Variants in DOP1A observed in about 807,000 individuals in gnomAD.
DOP1A encodes the protein protein DOP1A.
A neutral mutation model predicts 267.6 loss-of-function variants in DOP1A; 90 were observed. The ratio of observed to expected loss-of-function variants is 0.34; its 90% CI spans 0.28 to 0.40. The LOEUF is 0.40. DOP1A is among the 10% of genes least tolerant of loss of function. The pLI is 1.00. For synonymous variants in DOP1A, 932 were observed against 999.1 expected, an observed-to-expected ratio of 0.93 and a Z score of 1.27; for missense variants, 2,437 against 2,900.4, an observed-to-expected ratio of 0.84 and a Z score of 3.67.
At position 83,138,617 on chromosome 6, in the gene DOP1A, G is replaced by A. The variant is rs762054104; in HGVS notation, c.4575G>A (p.Gln1525=). 5 of 1,613,858 alleles carry A rather than the reference G, an allele frequency of 3.1e-6. No individual in the cohort carries two copies. The Admixed American group carries it at 8.3e-5, about 27-fold the overall frequency. ...ISDMLSKCKV[Q]KVILHCLLSS... is the part of the protein sequence containing the mutation. ...ATATGTTATCTAAGTGCAAAGTTCA[G>A]AAAGTGATTCTTCATTGTTTGCTGT... The change falls in exon 21 of 39, where the codon CAG becomes CAA. Residue 1525 remains glutamine (Q), a synonymous_variant. Transcript: ENST00000349129.
chr6:83,115,740 G>C (rs938778136), intron 7 of DOP1A, among the ~76,000 whole-genome samples: 5 of 151,952 alleles, frequency 3.3e-5, no homozygotes, highest in African/African-American at 4.8e-5. Context: ...AAGAAAAAGA[G>C]AATACAATAC....
chr6:83,068,259 A>G (rs1312081142), intron 1 of DOP1A, among the ~76,000 whole-genome samples: 1 of 152,184 alleles, frequency 6.6e-6, no homozygotes, highest in Admixed American at 6.5e-5. Flanking sequence ...GCGATGGTTC[A>G]TGTTCTCCGT....
chr6:83,070,680 C>T lies in DOP1A; in HGVS notation c.-147+2901C>T, dbSNP rs1296773203. Among the ~76,000 whole-genome samples the T allele has an allele frequency of 2.0e-5, 3 of 151,832 alleles. No individual in the cohort carries two copies. The East Asian group carries it at 5.8e-4, about 29-fold the overall frequency. On this transcript the variant is annotated intron_variant, in intron 1 of 38. Coordinates refer to ENST00000349129, the MANE Select transcript of DOP1A (RefSeq NM_015018.4). ...CACCCTGTGAACCTTTTTTTGATTA[C>T]CTCATTTTGAATTAATTTCCTCCTC...
chr6:83,152,220 A>G, intron 29 of DOP1A, 68 bp from the exon 30 acceptor site: 1 of 858,538 alleles, frequency 1.2e-6, no homozygotes. Flanking sequence ...ATACACACAC[A>G]CACACACACA....
intron 1 of DOP1A, among the ~76,000 whole-genome samples, chr6:83,074,317 A>T (rs928950015): frequency 8.5e-5 from 13 of 152,202 alleles, no homozygotes; most frequent in African/African-American, 2.9e-4. Flanking sequence ...ATTGTTATTT[A>T]TTATGAGATG....
At position 83,153,584 on chromosome 6, in the gene DOP1A, T is replaced by C. The variant is rs781648852; in HGVS notation, c.6203T>C (p.Ile2068Thr). The C allele has an allele frequency of 1.4e-5, 22 of 1,609,610 alleles. No homozygotes were observed. The highest frequency in any genetic ancestry group is 1.8e-5 in the Non-Finnish European group (21 of 1,178,116). Residue 2068 changes from isoleucine (I) to threonine (T), a missense_variant, in exon 31 of 39, where the codon ATT (isoleucine) becomes ACT (threonine). Transcript: ENST00000349129. ...CGGGTTATTCCTTTACTTGTAAATA[T>C]TATGCATTATGTTGTGCCCTACCTC... is the stretch of plus-strand genomic sequence containing the variant. ...KERVIPLLVN[I>T]MHYVVPYLRN... is the part of the protein sequence containing the mutation.
chr6:83,109,010 A>G lies in DOP1A; in HGVS notation c.421A>G (p.Lys141Glu), dbSNP rs1774116606. Residue 141 changes from lysine (K) to glutamate (E), a missense_variant, in exon 5 of 39, where the codon AAA becomes GAA. Coordinates refer to ENST00000349129, the MANE Select transcript of DOP1A (RefSeq NM_015018.4). The part of the protein sequence containing the change: ...IYYLPLGKTL[K>E]PGLQGLLTGI... ...TTATCTGCCTTTGGGTAAAACACTGAAACCTGGTCTACAGGGATTGCTTAC... is the reference window on the plus strand; with the variant it reads ...TTATCTGCCTTTGGGTAAAACACTGGAACCTGGTCTACAGGGATTGCTTAC... 1 of 1,613,696 alleles carries G rather than the reference A, an allele frequency of 6.2e-7. No homozygotes were observed. Among genetic ancestry groups the G allele is most frequent in the African/African-American group, 1.3e-5 (1 of 74,916 alleles).
Position 83,100,895 on chromosome 6 carries a change from A to C in DOP1A, c.320+9A>C. 1 of 1,461,038 alleles carries C rather than the reference A, an allele frequency of 6.8e-7. No homozygotes were observed. The highest frequency in any genetic ancestry group is 1.5e-5 in the South Asian group (1 of 66,512). The allele number at this position is 1,461,038 out of a possible 1,614,324, so 90.5% of individuals were successfully genotyped here. A position where few individuals can be genotyped will look rare whatever the true frequency, so the allele number is the denominator to read the frequency against. On this transcript the variant is annotated intron_variant, in intron 4 of 38. Coordinates refer to ENST00000349129, the MANE Select transcript of DOP1A (RefSeq NM_015018.4). Reference sequence around the variant, plus strand: ...GATCTTTTTTTATATAGGTAAGAATAATTTTACTATATATATACAAATAAT... The same window carrying C: ...GATCTTTTTTTATATAGGTAAGAATCATTTTACTATATATATACAAATAAT...
chr6:83,147,186 G>A (rs1164993946), intron 25 of DOP1A, 50 bp from the exon 26 acceptor site: 2 of 969,258 alleles, frequency 2.1e-6, no homozygotes, highest in South Asian at 1.8e-5. Flanking sequence ...CAATGAAAAA[G>A]CAAAGGCAGT....
At chr6:83,139,193 T>C in intron 21 of DOP1A, 31 bp downstream of exon 21, 3 of 1,531,402 alleles carry the variant, frequency 2.0e-6, no homozygotes, top group Non-Finnish European at 1.8e-6. Context: ...TTATTGGTAC[T>C]GACATTTTTC....
rs937683044 is a variant in DOP1A, at chr6:83,071,366, C to T, written c.-147+3587C>T. On this transcript the variant is annotated intron_variant, in intron 1 of 38. Coordinates refer to ENST00000349129, the MANE Select transcript of DOP1A (RefSeq NM_015018.4). ...GTATTACAGGCACCCACCATCACAC[C>T]GGGCTAACTTTTGTATTTTTAGCAG... Among the ~76,000 whole-genome samples the T allele has an allele frequency of 7.2e-5, 11 of 152,208 alleles. No homozygotes were observed. The East Asian group carries it at 1.2e-3, about 16-fold the overall frequency.
chr6:83,156,352 T>C (rs1782786061), intron 34 of DOP1A, among the ~76,000 whole-genome samples: 1 of 152,172 alleles, frequency 6.6e-6, no homozygotes, highest in South Asian at 2.1e-4. Context: ...GGAATTCATG[T>C]TTGAGGATGA....
chr6:83,121,693 A>C (rs1350201602), intron 10 of DOP1A, among the ~76,000 whole-genome samples: 2 of 151,718 alleles, frequency 1.3e-5, no homozygotes, highest in African/African-American at 4.8e-5. Context: ...AACTGGCAAA[A>C]CCAATTTCTC....
chr6:83,169,213 T>A, downstream of DOP1A: 1 of 1,613,606 alleles, frequency 6.2e-7, no homozygotes, highest in Non-Finnish European at 8.5e-7. Context: ...GTCCAGTTTC[T>A]CAGGAATATG....
chr6:83,136,189 C>A (rs961588783), intron 20 of DOP1A, among the ~76,000 whole-genome samples: 5 of 152,040 alleles, frequency 3.3e-5, no homozygotes, highest in African/African-American at 1.2e-4. Context: ...GTCCTACAGG[C>A]TCTGTAGATA....
chr6:83,160,001 T>G (rs1583182769), intron 37 of DOP1A, 41 bp downstream of exon 37: 1 of 1,600,398 alleles, frequency 6.2e-7, no homozygotes, highest in East Asian at 2.2e-5. Context: ...TTTTTGAAAG[T>G]GCATTTGCTT....
At chr6:83,119,124 A>G (rs535959883) in intron 8 of DOP1A, 137 bp downstream of exon 8, 1 of 691,616 alleles carries the variant, frequency 1.4e-6, no homozygotes, top group South Asian at 1.8e-5. Context: ...TAAAAATATA[A>G]ACAGTATTAG....
At chr6:83,139,284 G>C (rs1364062712) in intron 21 of DOP1A, 122 bp downstream of exon 21, 1 of 723,994 alleles carries the variant, frequency 1.4e-6, no homozygotes, top group Non-Finnish European at 2.2e-6. Flanking sequence ...GTTACAAATA[G>C]TGTATTACTT....
rs939888058 is a variant in DOP1A, at chr6:83,162,957, C to G, written c.7092+38C>G. ...TTTGTGATTGTTTTGTTTTACATCA[C>G]TACATGTTGCATTAGTGAGGTATTT... On this transcript the variant is annotated intron_variant, in intron 38 of 38. Coordinates refer to ENST00000349129, the MANE Select transcript of DOP1A (RefSeq NM_015018.4). 6.3e-6 allele frequency: 10 copies of G among 1,585,172 alleles called. No individual in the cohort carries two copies. The East Asian group carries it at 6.7e-5, about 11-fold the overall frequency.
Sources: gnomAD v4.1 joint callset for allele counts (sites outside exome capture counted in the v4.1 genomes callset) on GRCh38, gnomAD v4.1.1 for gene constraint, MANE v1.5 for transcripts, NCBI Gene and HGNC (gene_info 2026-07-23, HGNC 2026-07-21) for gene names.